ABCA8: variants seen among roughly 807,000 people sequenced by gnomAD.
ABCA8 encodes ABC-type organic anion transporter ABCA8.
A neutral mutation model predicts 192.3 loss-of-function variants in ABCA8; 177 were observed. The observed-to-expected ratio is 0.92, with a 90% confidence interval of 0.81 to 1.04. The LOEUF (loss-of-function observed/expected upper bound fraction) is 1.04, where lower values mean the gene tolerates loss of function less well. Among genes scored for constraint, ABCA8 ranks in the 50% least tolerant of loss-of-function variants. The pLI, the probability that ABCA8 is intolerant of heterozygous loss-of-function variation, is 0.00. For synonymous variants in ABCA8, 642 were observed against 690.2 expected, an observed-to-expected ratio of 0.93 and a Z score of 1.09; for missense variants, 1,915 against 1,904.8, an observed-to-expected ratio of 1.01 and a Z score of -0.10.
At chr17:68,951,552 A>G (rs2068568794) in intron 1 of ABCA8, among the ~76,000 whole-genome samples, 1 of 152,224 alleles carries the variant, frequency 6.6e-6, no homozygotes, top group Admixed American at 6.5e-5. Flanking sequence ...ATCATTTCAT[A>G]ATAGAGTTCA....
chr17:68,883,827 A>G lies in ABCA8; in HGVS notation c.3671T>C (p.Phe1224Ser), dbSNP rs779200691. 5 of 1,600,398 alleles carry G rather than the reference A, an allele frequency of 3.1e-6. No homozygotes were observed. The East Asian group carries it at 9.0e-5, about 29-fold the overall frequency. The change falls in exon 29 of 40, where the codon TTT becomes TCT. Residue 1224 changes from phenylalanine (F) to serine (S), a missense_variant. By Grantham distance (155) the Phe-to-Ser change is radical (BLOSUM62 -2). Coordinates refer to ENST00000586539, the MANE Select transcript of ABCA8 (RefSeq NM_001288985.2). The stretch of plus-strand genomic sequence containing the variant: ...ATCCTTTCTCATTGATTTCTTTCCA[A>G]ACTTCCATTCCAGACATCGAAGAGT... ...LFTLRCLEWK[F>S]GKKSMRKDPF...
At chr17:68,941,193 CAACA>C (rs552092137) in intron 3 of ABCA8, among the ~76,000 whole-genome samples, 1,534 of 152,138 alleles carry the variant, frequency 0.01, 15 homozygotes, top group Middle Eastern at 0.024. Flanking sequence ...ATTTCAAACT[CAACA>C]GTATACCAGT....
At chr17:68,929,813 C>T in intron 7 of ABCA8, 111 bp from the exon 8 acceptor site, 1 of 1,006,366 alleles carries the variant, frequency 9.9e-7, no homozygotes, top group Non-Finnish European at 1.4e-6. Context: ...TTCATTCTCT[C>T]TTTCAACATT....
intron 26 of ABCA8, 127 bp from the exon 27 acceptor site, chr17:68,885,442 T>C (rs533048147): frequency 1.1e-6 from 1 of 901,346 alleles, no homozygotes; most frequent in South Asian, 1.8e-5. Flanking sequence ...AATCAGTATA[T>C]CTCCATTAAC....
At chr17:68,905,955 T>C (rs2067053871) in intron 19 of ABCA8, 89 bp downstream of exon 19, 2 of 1,256,216 alleles carry the variant, frequency 1.6e-6, no homozygotes, top group Admixed American at 5.2e-5. Context: ...GCCTTAATCA[T>C]GAACCCCACA....
chr17:68,924,824 G>A lies in ABCA8; in HGVS notation c.1319C>T (p.Ser440Leu). Residue 440 changes from serine to leucine, a missense_variant, in exon 11 of 40, where the codon TCA becomes TTA. Ser to Leu is a moderately radical substitution (Grantham distance 145, BLOSUM62 -2). Transcript: ENST00000586539. ...RRPPLFFLKS[S>L]FWSQTQKTDH... ...AGTCTTTTGTGTTTGAGACCAAAAT[G>A]AGGACTTCAGGAAAAACAAAGGTGG... The A allele has an allele frequency of 6.2e-7, 1 of 1,614,086 alleles. No individual in the cohort carries two copies. The highest frequency in any genetic ancestry group is 1.6e-4 in the Middle Eastern group (1 of 6,062).
At chr17:68,949,225 C>A (rs1032742339) in intron 2 of ABCA8, 87 bp downstream of exon 2, 10 of 152,116 alleles carry the variant, frequency 6.6e-5, no homozygotes, top group African/African-American at 2.4e-4. Flanking sequence ...GACACATACA[C>A]CCTCCTAAGA....
chr17:68,880,035 G>A, intron 32 of ABCA8: 1 of 152,326 alleles, frequency 6.6e-6, no homozygotes, highest in Non-Finnish European at 1.5e-5. Context: ...GGGATGGCCT[G>A]AAGCCTGGGT....
At chr17:68,900,287 T>C (rs2066872379) in intron 21 of ABCA8, among the ~76,000 whole-genome samples, 1 of 151,882 alleles carries the variant, frequency 6.6e-6, no homozygotes, top group Non-Finnish European at 1.5e-5. Flanking sequence ...GTCTTACAGA[T>C]TAAAAGGATT....
At chr17:68,876,239 G>T in intron 35 of ABCA8, 1 of 602,496 alleles carries the variant, frequency 1.7e-6, no homozygotes, top group Non-Finnish European at 2.9e-6. Context: ...TGAGACCTAT[G>T]GGCCCTAACA....
chr17:68,891,062 T>A (rs1207865631), intron 24 of ABCA8, among the ~76,000 whole-genome samples: 1 of 152,216 alleles, frequency 6.6e-6, no homozygotes, highest in Non-Finnish European at 1.5e-5. Context: ...ATCTTACCCC[T>A]ATTTAAGTTA....
At position 68,881,989 on chromosome 17, in the gene ABCA8, G is replaced by A. The variant is rs2143294875; in HGVS notation, c.3829-9C>T. On this transcript the variant is annotated splice_polypyrimidine_tract_variant and intron_variant, in intron 30 of 39. Transcript: ENST00000586539. ...GCAATGATGACTGGCTTCTGTAAAT[G>A]ACAAGAAGTTATTATGTCAGACCTT... The A allele has an allele frequency of 6.2e-7, 1 of 1,606,548 alleles. No individual in the cohort carries two copies. The highest frequency in any genetic ancestry group is 1.7e-4 in the Middle Eastern group (1 of 6,042).
In ABCA8 at chr17:68,928,119, C is replaced by T. The variant is rs974271089; in HGVS notation, c.1126-56G>A. 3.8e-5 allele frequency: 54 copies of T among 1,415,120 alleles called. No homozygotes were observed. In the Middle Eastern group the frequency reaches 7.8e-4, roughly 20 times the overall value. 87.7% of individuals were successfully genotyped at this position (1,415,120 alleles called of 1,614,324 possible). ...AATTAGGTATAAGATACATTTTAAA[C>T]AGTTAGGTTTAGCATAGTAATGAAA... On this transcript the variant is annotated intron_variant, in intron 9 of 39. Coordinates refer to ENST00000586539, the MANE Select transcript of ABCA8 (RefSeq NM_001288985.2).
At position 68,929,056 on chromosome 17, in the gene ABCA8, A is replaced by C. The variant is rs757966736; in HGVS notation, c.1118T>G (p.Met373Arg). 2.9e-5 allele frequency: 45 copies of C among 1,564,686 alleles called. No homozygotes were observed. The highest frequency in any genetic ancestry group is 3.1e-5 in the Non-Finnish European group (36 of 1,154,448). The change falls in exon 9 of 40, where the codon ATG (methionine) becomes AGG (arginine). Residue 373 changes from methionine to arginine, a missense_variant. Coordinates refer to ENST00000586539, the MANE Select transcript of ABCA8 (RefSeq NM_001288985.2). ...ATTCAGATGGCATCTCACCTGGGCC[A>C]TTCCAAGCATGAAGGCAAAGGGACT... ...LLSPFAFMLG[M>R]AQLLHLDYDL...
In ABCA8 at chr17:68,918,237, C is replaced by T. The variant is rs548043504; in HGVS notation, c.1909-52G>A. On this transcript the variant is annotated intron_variant, in intron 15 of 39. Transcript: ENST00000586539. The stretch of plus-strand genomic sequence containing the variant: ...GGTTTTCCTCAAAGGTGAAGTTCTT[C>T]CAGAAAACAACGCAAAAACCATATT... 9.8e-5 allele frequency: 157 copies of T among 1,604,676 alleles called. 1 individual carries two copies. In the African/African-American group the frequency reaches 1.8e-3, roughly 19 times the overall value.
intron 10 of ABCA8, among the ~76,000 whole-genome samples, chr17:68,925,375 C>A (rs1020082906): frequency 4.6e-5 from 7 of 152,122 alleles, no homozygotes; most frequent in African/African-American, 1.7e-4. Context: ...AAAATGAATA[C>A]TTTTAAAGCT....
Position 68,867,947 on chromosome 17 carries a change from C to T in ABCA8, c.*138G>A, listed in dbSNP as rs1009072002. 3.1e-5 allele frequency: 22 copies of T among 707,254 alleles called. No individual in the cohort carries two copies. Among genetic ancestry groups the T allele is most frequent in the East Asian group, 1.6e-4 (6 of 36,454 alleles). 43.8% of individuals were successfully genotyped at this position (707,254 alleles called of 1,614,324 possible). ...ACTGACATGGCACTTACCCAGCACC[C>T]GAACCTCCTCCTCCCACCACACGGA... On this transcript the variant is annotated 3_prime_UTR_variant, in exon 40 of 40. Transcript: ENST00000586539.
At chr17:68,875,096 A>G (rs1282449125) in intron 37 of ABCA8, among the ~76,000 whole-genome samples, 164 bp downstream of exon 37, 1 of 152,216 alleles carries the variant, frequency 6.6e-6, no homozygotes, top group South Asian at 2.1e-4. Flanking sequence ...GACATTTGCT[A>G]TATCAGCTCT....
rs537867231 is a variant in ABCA8 at position 68,885,232 on chromosome 17, A to G, written c.3513T>C (p.Pro1171=). The change falls in exon 27 of 40, where the codon CCT becomes CCC. Residue 1171 remains proline (P), a synonymous_variant. Coordinates refer to ENST00000586539, the MANE Select transcript of ABCA8 (RefSeq NM_001288985.2). The part of the protein sequence containing the change: ...IPFIFTFLIP[P]ATMIGCLFLS... ...AGAACAAACAGCCAATCATTGTGGC[A>G]GGTGGTATTAAAAAAGTGAAGATAA... The G allele has an allele frequency of 6.2e-6, 10 of 1,613,812 alleles. No homozygotes were observed. The East Asian group carries it at 2.2e-4, about 36-fold the overall frequency.
Sources: allele counts gnomAD v4.1 joint callset (sites outside exome capture counted in the v4.1 genomes callset), GRCh38; gene constraint gnomAD v4.1.1; transcripts MANE v1.5; gene names NCBI Gene and HGNC (gene_info 2026-07-23, HGNC 2026-07-21).